The following LRRC37A2 variants were observed in gnomAD, a reference collection of about 807,000 sequenced individuals.
The protein encoded by LRRC37A2 is leucine rich repeat containing 37 member A2, also known as leucine-rich repeat-containing protein 37A2.
In LRRC37A2, 9 loss-of-function variants were observed where a neutral mutation model predicts 68.8. That is an observed-to-expected ratio of 0.13 (90% CI 0.08 to 0.23). LRRC37A2 has a LOEUF of 0.23. Among genes scored for constraint, LRRC37A2 ranks in the 10% least tolerant of loss-of-function variants. The pLI, the probability that LRRC37A2 is intolerant of heterozygous loss-of-function variation, is 1.00. For missense variants in LRRC37A2, 168 were observed against 950.4 expected, an observed-to-expected ratio of 0.18 and a Z score of 10.82; for synonymous variants, 63 against 367.6, an observed-to-expected ratio of 0.17 and a Z score of 9.48.
chr17:46,953,595 T>C, the LRRC37A2 span, among the ~76,000 whole-genome samples: 5 of 152,202 alleles, frequency 3.3e-5, no homozygotes, highest in Non-Finnish European at 7.3e-5. Context: ...ATGGTATTTC[T>C]AGTTCTAGAT....
chr17:46,786,612 A>G, the LRRC37A2 span, among the ~76,000 whole-genome samples: 1 of 152,384 alleles, frequency 6.6e-6, no homozygotes, highest in East Asian at 1.9e-4. Flanking sequence ...TTTGCTGCGC[A>G]GTTCAGGACT....
the LRRC37A2 span, among the ~76,000 whole-genome samples, chr17:46,744,443 GT>G: frequency 6.6e-6 from 1 of 152,102 alleles, no homozygotes; most frequent in Non-Finnish European, 1.5e-5. Context: ...CCATTTCAGG[GT>G]TTTCAATTGT....
At chr17:46,940,277 C>T in the LRRC37A2 span, 3 of 1,433,398 alleles carry the variant, frequency 2.1e-6, no homozygotes, top group Admixed American at 2.8e-5. Flanking sequence ...CTCCATTGTT[C>T]CTACCCCTCC....
At chr17:47,007,663 G>A in the LRRC37A2 span, among the ~76,000 whole-genome samples, 4 of 152,140 alleles carry the variant, frequency 2.6e-5, no homozygotes, top group African/African-American at 9.7e-5. Flanking sequence ...GTGTAGGAAT[G>A]CTACATTTTC....
the LRRC37A2 span, among the ~76,000 whole-genome samples, chr17:46,882,990 T>G: frequency 6.6e-6 from 1 of 151,816 alleles, no homozygotes; most frequent in Non-Finnish European, 1.5e-5. Flanking sequence ...TCCCCATTTT[T>G]TTTTTTGAGA....
the LRRC37A2 span, among the ~76,000 whole-genome samples, chr17:46,754,331 A>T: frequency 1.4e-5 from 2 of 147,932 alleles, no homozygotes; most frequent in Non-Finnish European, 3.0e-5. Flanking sequence ...AAGAAATCTT[A>T]AAAAAAAAAG....
the LRRC37A2 span, among the ~76,000 whole-genome samples, chr17:46,950,615 A>G: frequency 6.6e-6 from 1 of 152,154 alleles, no homozygotes; most frequent in African/African-American, 2.4e-5. Context: ...CCACCATGTG[A>G]ACTTAGCGGG....
At chr17:46,961,107 T>C in the LRRC37A2 span, among the ~76,000 whole-genome samples, 1 of 152,106 alleles carries the variant, frequency 6.6e-6, no homozygotes, top group African/African-American at 2.4e-5. Context: ...AATGTAAACA[T>C]TTAAAGTCCT....
chr17:46,977,311 T>C, the LRRC37A2 span, among the ~76,000 whole-genome samples: 1 of 152,202 alleles, frequency 6.6e-6, no homozygotes, highest in South Asian at 2.1e-4. Flanking sequence ...AGAAATCCAG[T>C]CTCTCCCCGA....
chr17:46,774,189 A>C, the LRRC37A2 span, among the ~76,000 whole-genome samples: 8 of 152,206 alleles, frequency 5.3e-5, no homozygotes, highest in Non-Finnish European at 1.0e-4. Flanking sequence ...AGCCATGAAA[A>C]GAGGTTTGGA....
the LRRC37A2 span, among the ~76,000 whole-genome samples, chr17:46,469,559 A>G: frequency 3.4e-5 from 1 of 29,796 alleles, no homozygotes; most frequent in Non-Finnish European, 7.1e-5. Flanking sequence ...GCTTGCTACA[A>G]GACTATTCTT....
chr17:47,011,902 T>C, the LRRC37A2 span, among the ~76,000 whole-genome samples: 1 of 152,218 alleles, frequency 6.6e-6, no homozygotes, highest in South Asian at 2.1e-4. Flanking sequence ...TGTCCCTCAC[T>C]GGAGATGTTA....
At chr17:46,940,558 C>T in the LRRC37A2 span, 9 of 1,614,058 alleles carry the variant, frequency 5.6e-6, no homozygotes, top group Admixed American at 5.0e-5. Flanking sequence ...CCCCCAGGCA[C>T]CCAAGGATCC....
At chr17:46,817,393 C>G in the LRRC37A2 span, among the ~76,000 whole-genome samples, 3 of 152,114 alleles carry the variant, frequency 2.0e-5, no homozygotes, top group Non-Finnish European at 4.4e-5. Context: ...GGCCAAGGCT[C>G]TCCTATGTCC....
the LRRC37A2 span, among the ~76,000 whole-genome samples, chr17:46,972,226 C>T: frequency 7.2e-5 from 11 of 152,178 alleles, no homozygotes; most frequent in South Asian, 8.3e-4. Context: ...TTGCTTCTCC[C>T]GCCACCCGCT....
At chr17:46,731,351 AG>A in the LRRC37A2 span, among the ~76,000 whole-genome samples, 1 of 152,248 alleles carries the variant, frequency 6.6e-6, no homozygotes, top group Admixed American at 6.5e-5. Flanking sequence ...GAGAAGAGTG[AG>A]AGGGTCACTG....
the LRRC37A2 span, among the ~76,000 whole-genome samples, chr17:46,927,265 A>G: frequency 1.3e-5 from 2 of 152,134 alleles, no homozygotes; most frequent in Non-Finnish European, 2.9e-5. Context: ...AATTCTTTAT[A>G]TATTTTCTGC....
At chr17:46,753,722 T>A in the LRRC37A2 span, among the ~76,000 whole-genome samples, 1 of 152,154 alleles carries the variant, frequency 6.6e-6, no homozygotes, top group Non-Finnish European at 1.5e-5. Flanking sequence ...TTCTTATGCA[T>A]GTGGGATAGA....
At chr17:46,918,310 C>T in the LRRC37A2 span, among the ~76,000 whole-genome samples, 1 of 152,182 alleles carries the variant, frequency 6.6e-6, no homozygotes, top group African/African-American at 2.4e-5. Context: ...GATCTCTTGA[C>T]CTCGTGATCC....
Sources: gnomAD v4.1 joint callset for allele counts (sites outside exome capture counted in the v4.1 genomes callset) on GRCh38, gnomAD v4.1.1 for gene constraint, MANE v1.5 for transcripts, NCBI Gene and HGNC (gene_info 2026-07-23, HGNC 2026-07-21) for gene names.